The following ZNF652 variants were observed in gnomAD, a reference collection of about 807,000 sequenced individuals.
ZNF652 encodes zinc finger protein 652.
A neutral mutation model predicts 45.2 loss-of-function variants in ZNF652; 16 were observed. The ratio of observed to expected loss-of-function variants is 0.35; its 90% confidence interval spans 0.24 to 0.54. The LOEUF is 0.54. ZNF652 is among the 20% of genes least tolerant of loss of function. The pLI is 0.91. For missense variants in ZNF652, 614 were observed against 765.6 expected, an observed-to-expected ratio of 0.80 and a Z score of 2.34; for synonymous variants, 250 against 260.6, an observed-to-expected ratio of 0.96 and a Z score of 0.39.
At chr17:49,351,006 TATATATATACACACACACACACACAC>T (rs1453915290) in intron 1 of ZNF652, among the ~76,000 whole-genome samples, 9 of 21,272 alleles carry the variant, frequency 4.2e-4, no homozygotes, top group South Asian at 2.7e-3. Flanking sequence ...TATATATATA[TATATATATACACACACACACACACAC>T]ACACACACAC....
intron 1 of ZNF652, among the ~76,000 whole-genome samples, chr17:49,339,906 G>A (rs1409625857): frequency 6.6e-6 from 1 of 152,102 alleles, no homozygotes; most frequent in Non-Finnish European, 1.5e-5. Flanking sequence ...GCTAGTTTTT[G>A]TATTTTTACT....
intron 5 of ZNF652, among the ~76,000 whole-genome samples, chr17:49,307,666 C>T (rs2069651238): frequency 6.6e-6 from 1 of 151,548 alleles, no homozygotes; most frequent in African/African-American, 2.4e-5. Flanking sequence ...GCAGGAGAAT[C>T]GCTTGAACAT....
rs145134940 is a variant in ZNF652 at position 49,339,859 on chromosome 17, G to A, written c.-258-21876C>T. ...AGAGATTCTTCTGCCTCAGCCTCCCGAGTATCTGGGACAACAGGCACATGC... is the reference window on the plus strand; with the variant it reads ...AGAGATTCTTCTGCCTCAGCCTCCCAAGTATCTGGGACAACAGGCACATGC... On this transcript the variant is annotated intron_variant, in intron 1 of 5. Coordinates refer to ENST00000430262, the MANE Select transcript of ZNF652 (RefSeq NM_001145365.3). 9.2e-3 allele frequency among the ~76,000 whole-genome samples: 1,403 copies of A among 152,272 alleles called. 22 individuals are homozygous for A. The highest frequency in any genetic ancestry group is 0.032 in the African/African-American group (1,328 of 41,552).
chr17:49,357,387 G>A (rs141827825), intron 1 of ZNF652, among the ~76,000 whole-genome samples: 74 of 151,836 alleles, frequency 4.9e-4, no homozygotes, highest in African/African-American at 1.8e-3. Context: ...ATAATCTACA[G>A]GCCTAAAGCA....
intron 1 of ZNF652, among the ~76,000 whole-genome samples, chr17:49,346,724 A>AT (rs2070209128): frequency 6.6e-6 from 1 of 152,222 alleles, no homozygotes; most frequent in Non-Finnish European, 1.5e-5. Context: ...ATCAACTCTG[A>AT]TTTTATCACA....
rs200384786 is a variant in ZNF652 at position 49,317,006 on chromosome 17, T to C, written c.720A>G (p.Glu240=). The change falls in exon 2 of 6, where the codon GAA becomes GAG. Residue 240 remains glutamate, a synonymous_variant. Coordinates refer to ENST00000430262, the MANE Select transcript of ZNF652 (RefSeq NM_001145365.3). ...TCTCACAGGTCAGAGTCTCTTTCTC[T>C]TCACACTTAGCTTTCTGGACTGGTG... ...PKAPVQKAKC[E]EKETLTCEKC... 2.5e-6 allele frequency: 4 copies of C among 1,614,088 alleles called. No individual in the cohort carries two copies. In the African/African-American group the frequency reaches 5.3e-5, roughly 22 times the overall value.
chr17:49,362,028 C>A lies in ZNF652; in HGVS notation c.-378G>T, dbSNP rs1026947991. 2.0e-5 allele frequency: 3 copies of A among 149,682 alleles called. No homozygotes were observed. In the South Asian group the frequency reaches 6.2e-4, roughly 31 times the overall value. The allele number at this position is 149,682 out of a possible 1,614,324, so 9.3% of individuals were successfully genotyped here. On this transcript the variant is annotated 5_prime_UTR_variant, in exon 1 of 6. Coordinates refer to ENST00000430262, the MANE Select transcript of ZNF652 (RefSeq NM_001145365.3). ...CCGCCGGCTGGGCCAGCCCCTCCCC[C>A]CCTGCCCAACGTCTGTCCTCAGGGC...
In ZNF652 at chr17:49,346,310, G is replaced by A. The variant is rs185038735; in HGVS notation, c.-259+15599C>T. Reference sequence around the variant, plus strand: ...TAATGCCTGTAATCCCAGCACTTTGGGAGGCTGCAGTGGGCAGATCACCTG... The same window carrying A: ...TAATGCCTGTAATCCCAGCACTTTGAGAGGCTGCAGTGGGCAGATCACCTG... On this transcript the variant is annotated intron_variant, in intron 1 of 5. Coordinates refer to ENST00000430262, the MANE Select transcript of ZNF652 (RefSeq NM_001145365.3). Among the ~76,000 whole-genome samples, 755 of 152,320 alleles carry A rather than the reference G, an allele frequency of 5.0e-3. 6 individuals carry two copies. Among genetic ancestry groups the A allele is most frequent in the African/African-American group, 0.016 (662 of 41,558 alleles).
chr17:49,331,650 TAAAAAAATAAAA>T (rs869098605), intron 1 of ZNF652, among the ~76,000 whole-genome samples: 1 of 7,816 alleles, frequency 1.3e-4, no homozygotes, highest in African/African-American at 1.0e-3. Flanking sequence ...TTATAAAAAA[TAAAAAAATAAAA>T]AAATAAAAAT....
chr17:49,348,488 A>AGAAAC (rs1310093614), intron 1 of ZNF652, among the ~76,000 whole-genome samples: 37 of 41,116 alleles, frequency 9.0e-4, no homozygotes, highest in African/African-American at 3.2e-3. Flanking sequence ...AAAAAAGAAA[A>AGAAAC]GAAAAGAAAA....
intron 1 of ZNF652, among the ~76,000 whole-genome samples, chr17:49,351,269 T>A (rs1270362515): frequency 6.6e-6 from 1 of 151,802 alleles, no homozygotes; most frequent in Non-Finnish European, 1.5e-5. Flanking sequence ...CATGGCTGAT[T>A]ACAGATCATA....
intron 1 of ZNF652, among the ~76,000 whole-genome samples, chr17:49,337,988 C>A (rs1162281092): frequency 6.6e-6 from 1 of 152,020 alleles, no homozygotes; most frequent in Non-Finnish European, 1.5e-5. Context: ...TTGCCAAATA[C>A]AACAATTTTT....
rs917331027 is a variant in ZNF652, at chr17:49,349,248, T to C, written c.-259+12661A>G. ...ACCACCCTGGCCAATATGGTGAAACTTTGTCTCTACTAAAAATACAAAAAT... is the reference window on the plus strand; with the variant it reads ...ACCACCCTGGCCAATATGGTGAAACCTTGTCTCTACTAAAAATACAAAAAT... On this transcript the variant is annotated intron_variant, in intron 1 of 5. Coordinates refer to ENST00000430262, the MANE Select transcript of ZNF652 (RefSeq NM_001145365.3). Among the ~76,000 whole-genome samples, 5 of 152,144 alleles carry C rather than the reference T, an allele frequency of 3.3e-5. No homozygotes were observed. In the East Asian group the frequency reaches 7.8e-4, roughly 24 times the overall value.
intron 1 of ZNF652, among the ~76,000 whole-genome samples, chr17:49,331,487 T>G (rs1312347351): frequency 6.6e-6 from 1 of 152,072 alleles, no homozygotes; most frequent in East Asian, 1.9e-4. Flanking sequence ...ATTTATCAGG[T>G]GTAAGTATAG....
intron 1 of ZNF652, among the ~76,000 whole-genome samples, chr17:49,326,546 G>A (rs1471351415): frequency 1.3e-5 from 2 of 151,984 alleles, no homozygotes; most frequent in African/African-American, 2.4e-5. Flanking sequence ...AGAAAAAGGT[G>A]GTCCATGAAG....
chr17:49,329,333 ATT>A (rs2069998643), intron 1 of ZNF652, among the ~76,000 whole-genome samples: 1 of 152,208 alleles, frequency 6.6e-6, no homozygotes, highest in Admixed American at 6.5e-5. Flanking sequence ...TAGAAACAAA[ATT>A]TACATTGAAA....
chr17:49,333,394 A>G (rs2070045523), intron 1 of ZNF652, among the ~76,000 whole-genome samples: 2 of 150,336 alleles, frequency 1.3e-5, no homozygotes, highest in Admixed American at 1.3e-4. Context: ...CGGAAAGAAT[A>G]TGAAGACATT....
At position 49,298,833 on chromosome 17, in the gene ZNF652, C is replaced by T. The variant is rs368010715; in HGVS notation, c.1401G>A (p.Lys467=). The T allele has an allele frequency of 3.1e-6, 5 of 1,613,954 alleles. No homozygotes were observed. The highest frequency in any genetic ancestry group is 1.7e-5 in the Admixed American group (1 of 59,984). Reference sequence around the variant, plus strand: ...GGCCACACACATCACATGGATAGGGCTTCTCGCCTGTGTGAGTTCTGCGGT... The same window carrying T: ...GGCCACACACATCACATGGATAGGGTTTCTCGCCTGTGTGAGTTCTGCGGT... ...KRHRRTHTGE[K]PYPCDVCGQR... The change falls in exon 6 of 6, where the codon AAG becomes AAA. Residue 467 remains lysine, a synonymous_variant. Transcript: ENST00000430262.
chr17:49,309,910 C>T (rs1450271421), intron 5 of ZNF652, among the ~76,000 whole-genome samples: 4 of 152,036 alleles, frequency 2.6e-5, no homozygotes, highest in African/African-American at 9.7e-5. Context: ...ATTTCCTCAC[C>T]ACTAGTTAAG....
Sources: gnomAD v4.1 joint callset for allele counts (sites outside exome capture counted in the v4.1 genomes callset) on GRCh38, gnomAD v4.1.1 for gene constraint, MANE v1.5 for transcripts, NCBI Gene and HGNC (gene_info 2026-07-23, HGNC 2026-07-21) for gene names.